Variants in SRGAP3 observed in about 807,000 individuals in gnomAD.
The protein encoded by SRGAP3 is SLIT-ROBO Rho GTPase-activating protein 3.
In SRGAP3, 39 loss-of-function variants were observed where a neutral mutation model predicts 121.1. That is an observed-to-expected ratio of 0.32 (90% CI 0.25 to 0.42). The LOEUF is 0.42. Ranked by LOEUF, SRGAP3 falls within the 10% of genes least tolerant of loss-of-function variation. SRGAP3 has a pLI of 1.00. For missense variants in SRGAP3, 1,213 were observed against 1,470.6 expected (o/e 0.82, Z 2.86); for synonymous variants, 601 against 570.0 (o/e 1.05, Z -0.77).
At chr3:9,173,013 G>C (rs1191422961) in intron 1 of SRGAP3, among the ~76,000 whole-genome samples, 3 of 152,326 alleles carry the variant, frequency 2.0e-5, no homozygotes, top group South Asian at 2.1e-4. Flanking sequence ...AAACAGGAGA[G>C]GTGGTGGGGC....
intron 1 of SRGAP3, among the ~76,000 whole-genome samples, chr3:9,210,663 A>G (rs1952417837): frequency 6.6e-6 from 1 of 151,928 alleles, no homozygotes; most frequent in Admixed American, 6.6e-5. Flanking sequence ...CATCTCTTCT[A>G]AAAATACAAA....
intron 11 of SRGAP3, 52 bp from the exon 12 acceptor site, chr3:9,032,804 C>T (rs547366977): frequency 1.0e-4 from 156 of 1,527,996 alleles, no homozygotes; most frequent in Non-Finnish European, 1.3e-4. Context: ...CATAAACATA[C>T]AACTGGGAAA....
chr3:9,079,978 G>C (rs748439453), intron 4 of SRGAP3, 47 bp downstream of exon 4: 2 of 1,607,694 alleles, frequency 1.2e-6, no homozygotes, highest in South Asian at 1.1e-5. Context: ...TGGTGATGAA[G>C]ACAGAGACCC....
chr3:9,264,172 C>G (rs544435103), intron 3 of SRGAP3, among the ~76,000 whole-genome samples: 7 of 152,118 alleles, frequency 4.6e-5, no homozygotes, highest in South Asian at 2.1e-4. Context: ...ATTCAACACC[C>G]CTTCATGCTA....
chr3:9,065,974 T>C (rs1946412381), intron 4 of SRGAP3, among the ~76,000 whole-genome samples: 1 of 152,202 alleles, frequency 6.6e-6, no homozygotes, highest in Non-Finnish European at 1.5e-5. Context: ...TATCATTTTT[T>C]CATAAATAGA....
intron 12 of SRGAP3, among the ~76,000 whole-genome samples, chr3:9,029,505 C>G (rs1944374346): frequency 6.6e-6 from 1 of 152,082 alleles, no homozygotes; most frequent in African/African-American, 2.4e-5. Flanking sequence ...GATTATGAAC[C>G]CAGGGGATGC....
At chr3:9,298,232 T>C (rs896279168) in intron 3 of SRGAP3, among the ~76,000 whole-genome samples, 4 of 152,168 alleles carry the variant, frequency 2.6e-5, no homozygotes, top group African/African-American at 9.7e-5. Context: ...GTACTTACCA[T>C]AGTGCTTGGC....
rs74383683 is a variant in SRGAP3, at chr3:9,068,513, T to C, written c.487-3932A>G. 1.4e-3 allele frequency among the ~76,000 whole-genome samples: 210 copies of C among 152,272 alleles called. 1 individual carries two copies. Among genetic ancestry groups the C allele is most frequent in the African/African-American group, 4.9e-3 (203 of 41,534 alleles). Reference sequence around the variant, plus strand: ...CCCTGGGGCCAAACTCCCTGTGATCTACTCGATTCCTGATTCCAAGAATAA... The same window carrying C: ...CCCTGGGGCCAAACTCCCTGTGATCCACTCGATTCCTGATTCCAAGAATAA... On this transcript the variant is annotated intron_variant, in intron 4 of 21. Transcript: ENST00000383836.
chr3:9,145,228 T>C (rs1949985095), intron 1 of SRGAP3, among the ~76,000 whole-genome samples: 1 of 152,170 alleles, frequency 6.6e-6, no homozygotes, highest in Non-Finnish European at 1.5e-5. Flanking sequence ...CCCAAGTAGC[T>C]GGGATTACAG....
At chr3:9,276,543 A>G (rs1257870664) in intron 3 of SRGAP3, among the ~76,000 whole-genome samples, 1 of 151,520 alleles carries the variant, frequency 6.6e-6, no homozygotes, top group Non-Finnish European at 1.5e-5. Flanking sequence ...CTCCTGCCTC[A>G]GCCTCCTGAG....
rs1945924669 is a variant in SRGAP3, at chr3:9,058,192, G to A, written c.1023+59C>T. 1.6e-5 allele frequency: 25 copies of A among 1,553,120 alleles called. No homozygotes were observed. In the South Asian group the frequency reaches 2.5e-4, roughly 15 times the overall value. On this transcript the variant is annotated intron_variant, in intron 7 of 21. Transcript: ENST00000383836. ...ACGTGCAACCAGGGATGATGTACTGGAGCACATGGGGGAACAGAGGGAAGC... is the reference window on the plus strand; with the variant it reads ...ACGTGCAACCAGGGATGATGTACTGAAGCACATGGGGGAACAGAGGGAAGC...
At chr3:9,222,340 G>A (rs371708099) in intron 1 of SRGAP3, among the ~76,000 whole-genome samples, 6 of 152,186 alleles carry the variant, frequency 3.9e-5, no homozygotes, top group East Asian at 1.9e-4. Flanking sequence ...GTGTACTACC[G>A]ATTCGTAGAA....
chr3:9,140,122 T>TAC (rs35572227), intron 1 of SRGAP3, among the ~76,000 whole-genome samples: 43,902 of 139,900 alleles, frequency 0.31, 6,407 homozygotes, highest in East Asian at 0.49. Context: ...CTCAGAGGCA[T>TAC]ACACACACAC....
At chr3:8,987,311 A>G (rs1041696537) in intron 21 of SRGAP3, among the ~76,000 whole-genome samples, 1 of 152,220 alleles carries the variant, frequency 6.6e-6, no homozygotes, top group Admixed American at 6.5e-5. Flanking sequence ...TGGCTTGGCC[A>G]TCGAGGGCAC....
intron 1 of SRGAP3, among the ~76,000 whole-genome samples, chr3:9,204,675 G>A (rs1243935031): frequency 6.6e-6 from 1 of 151,456 alleles, no homozygotes; most frequent in Non-Finnish European, 1.5e-5. Context: ...AGTCCTAAGT[G>A]AATGCATGAT....
chr3:9,121,016 C>T (rs1266812732), intron 2 of SRGAP3, among the ~76,000 whole-genome samples: 1 of 152,134 alleles, frequency 6.6e-6, no homozygotes, highest in South Asian at 2.1e-4. Flanking sequence ...GCAATAGACT[C>T]GGAGCCAAGG....
intron 3 of SRGAP3, among the ~76,000 whole-genome samples, chr3:9,301,519 C>G (rs757440869): frequency 6.6e-6 from 1 of 152,158 alleles, no homozygotes; most frequent in African/African-American, 2.4e-5. Flanking sequence ...TTTTGTGCCA[C>G]GTAAGAGCAG....
At chr3:9,289,807 T>A (rs1954842344) in intron 3 of SRGAP3, among the ~76,000 whole-genome samples, 1 of 151,974 alleles carries the variant, frequency 6.6e-6, no homozygotes. Context: ...AAACCAAAGC[T>A]CAAAACTCAC....
intron 1 of SRGAP3, among the ~76,000 whole-genome samples, chr3:9,148,991 A>G (rs1226727170): frequency 6.6e-6 from 1 of 152,076 alleles, no homozygotes. Flanking sequence ...TGAGGCAGGC[A>G]GATCACAAGG....
Sources: allele counts gnomAD v4.1 joint callset (sites outside exome capture counted in the v4.1 genomes callset), GRCh38; gene constraint gnomAD v4.1.1; transcripts MANE v1.5; gene names NCBI Gene and HGNC (gene_info 2026-07-23, HGNC 2026-07-21).